The following LRRK1 variants were observed in gnomAD, a reference collection of about 807,000 sequenced individuals.
LRRK1 encodes leucine rich repeat kinase 1.
A neutral mutation model predicts 209.1 loss-of-function variants in LRRK1; 113 were observed. The observed-to-expected ratio is 0.54, with a 90% CI of 0.46 to 0.63. The LOEUF (loss-of-function observed/expected upper bound fraction) is 0.63. LRRK1 is among the 30% of genes least tolerant of loss of function. The pLI, the probability that LRRK1 is intolerant of heterozygous loss-of-function variation, is 0.00. For missense variants in LRRK1, 2,284 were observed against 2,632.2 expected (o/e 0.87, Z 2.89); for synonymous variants, 1,144 against 1,099.7 (o/e 1.04, Z -0.80).
intron 4 of LRRK1, among the ~76,000 whole-genome samples, chr15:100,988,097 C>T (rs2031965499): frequency 6.6e-6 from 1 of 152,182 alleles, no homozygotes. Context: ...ATCAACTCAA[C>T]AGAAGCAACT....
intron 2 of LRRK1, among the ~76,000 whole-genome samples, chr15:100,964,234 G>C (rs1163958480): frequency 6.6e-6 from 1 of 152,104 alleles, no homozygotes; most frequent in East Asian, 1.9e-4. Context: ...GATCACCCCG[G>C]GGCTGGGTGA....
chr15:101,058,617 C>CGGGGT lies in LRRK1; in HGVS notation c.4679+480_4679+481insTGGGG, dbSNP rs10668251. Among the ~76,000 whole-genome samples the CGGGGT allele has an allele frequency of 2.7e-4, 20 of 75,340 alleles. 2 individuals are homozygous for CGGGGT. The highest frequency in any genetic ancestry group is 0.018 in the Middle Eastern group (2 of 110). 49.4% of individuals were successfully genotyped at this position (75,340 alleles called of 152,430 possible). A position where few individuals can be genotyped will look rare whatever the true frequency, so the allele number is the denominator to read the frequency against. On this transcript the variant is annotated intron_variant, in intron 29 of 33. Transcript: ENST00000388948. ...CTGCCCCAGATTGCAGAAGGGGCAA[C>CGGGGT]GGGGGGGGGCGTCTAAACAGAGTTG...
chr15:101,035,209 T>C (rs1294164510), intron 20 of LRRK1, among the ~76,000 whole-genome samples: 1 of 152,112 alleles, frequency 6.6e-6, no homozygotes, highest in East Asian at 1.9e-4. Context: ...CCAATGTTTT[T>C]TTGATGAGTT....
chr15:101,043,930 A>G (rs1290138488), intron 20 of LRRK1: 4 of 152,132 alleles, frequency 2.6e-5, no homozygotes, highest in African/African-American at 9.7e-5. Flanking sequence ...AGTGTCTCTT[A>G]AGCTCCCAAG....
intron 20 of LRRK1, among the ~76,000 whole-genome samples, chr15:101,045,427 C>A (rs530679128): frequency 6.6e-6 from 1 of 152,150 alleles, no homozygotes; most frequent in Non-Finnish European, 1.5e-5. Flanking sequence ...TTATGATGAC[C>A]GAGAGTGTTC....
chr15:101,064,215 C>T (rs1006081070), intron 31 of LRRK1, among the ~76,000 whole-genome samples: 1 of 152,238 alleles, frequency 6.6e-6, no homozygotes, highest in Non-Finnish European at 1.5e-5. Context: ...GGATGGATTT[C>T]GATACGCTTT....
chr15:100,958,160 C>G (rs1377188686), intron 2 of LRRK1, among the ~76,000 whole-genome samples: 4 of 152,208 alleles, frequency 2.6e-5, no homozygotes, highest in Non-Finnish European at 4.4e-5. Context: ...CCAGCCTGTT[C>G]TGTAGTTCTT....
intron 20 of LRRK1, among the ~76,000 whole-genome samples, chr15:101,042,737 G>A (rs570803563): frequency 6.6e-6 from 1 of 152,174 alleles, no homozygotes. Context: ...CTTGTCGGGG[G>A]ATTTGTGCAG....
chr15:100,986,095 A>G (rs924117083), intron 4 of LRRK1, among the ~76,000 whole-genome samples: 2 of 152,170 alleles, frequency 1.3e-5, no homozygotes, highest in African/African-American at 4.8e-5. Context: ...ATTCCCAGGT[A>G]CTTGGGAGGG....
At chr15:100,944,091 G>A (rs553085375) in intron 2 of LRRK1, among the ~76,000 whole-genome samples, 2 of 152,272 alleles carry the variant, frequency 1.3e-5, no homozygotes, top group Admixed American at 1.3e-4. Flanking sequence ...TGGGCATGGG[G>A]CCTCACAGTG....
In LRRK1 at chr15:101,022,625, C is replaced by G. The variant is rs1339120115; in HGVS notation, c.2067+28C>G. 4 of 1,499,170 alleles carry G rather than the reference C, an allele frequency of 2.7e-6. No homozygotes were observed. In the Admixed American group the frequency reaches 5.5e-5, roughly 21 times the overall value. The allele number at this position is 1,499,170 out of a possible 1,614,324, so 92.9% of individuals were successfully genotyped here. The stretch of plus-strand genomic sequence containing the variant: ...CAAGGATGGTCTGCGTGCAGAGTCC[C>G]TGTGGGTGGGAGGAACATCCCTTGG... On this transcript the variant is annotated intron_variant, in intron 15 of 33. Coordinates refer to ENST00000388948, the MANE Select transcript of LRRK1 (RefSeq NM_024652.6). This position sits in a 1 kb window ranked among gnomAD's most constrained non-coding sequence, Gnocchi z 4.0.
chr15:101,005,598 A>G (rs1475076188), intron 6 of LRRK1, among the ~76,000 whole-genome samples: 1 of 152,222 alleles, frequency 6.6e-6, no homozygotes, highest in Non-Finnish European at 1.5e-5. Flanking sequence ...CTTGGTTTCT[A>G]AATACCAATT....
rs565686156 is a variant in LRRK1 at position 101,066,057 on chromosome 15, G to A, written c.5620G>A (p.Asp1874Asn). ...ASSSSVPFST[D>N]CEDSDMLHTP... ...TTCTTCCAGTGTGCCTTTCTCCACC[G>A]ACTGCGAGGACTCAGACATGCTACA... is the stretch of plus-strand genomic sequence containing the variant. The change falls in exon 32 of 34, where the codon GAC becomes AAC. Residue 1874 changes from aspartate (D) to asparagine (N), a missense_variant. By Grantham distance (23) the Asp-to-Asn change is conservative. Around this residue, in one of 6 missense-constraint regions of LRRK1, gnomAD observed 643 missense variants for 695.9 expected, o/e 0.92. Transcript: ENST00000388948. 22 of 1,614,024 alleles carry A rather than the reference G, an allele frequency of 1.4e-5. No individual in the cohort carries two copies. Among genetic ancestry groups the A allele is most frequent in the African/African-American group, 4.0e-5 (3 of 74,978 alleles).
In LRRK1 at chr15:101,049,793, G is replaced by A; in HGVS notation, c.3439+10G>A. The A allele has an allele frequency of 6.2e-7, 1 of 1,610,388 alleles. No homozygotes were observed. Among genetic ancestry groups the A allele is most frequent in the Non-Finnish European group, 8.5e-7 (1 of 1,178,168 alleles). On this transcript the variant is annotated intron_variant, in intron 23 of 33. Transcript: ENST00000388948. ...GATCAGTGGTTTCCCGGTAAGAGGA[G>A]ATGCTAGAAGCAAGCCCTCATTCAT... is the stretch of plus-strand genomic sequence containing the variant.
intron 2 of LRRK1, among the ~76,000 whole-genome samples, chr15:100,931,078 G>A (rs933109154): frequency 2.0e-5 from 3 of 152,218 alleles, no homozygotes; most frequent in African/African-American, 7.2e-5. Context: ...TCATAAAAAA[G>A]AAACGAGAAA....
At chr15:100,988,569 A>G in intron 4 of LRRK1, 65 bp from the exon 5 acceptor site, 1 of 1,487,636 alleles carries the variant, frequency 6.7e-7, no homozygotes, top group Non-Finnish European at 9.4e-7. Context: ...CTAAGGGAAG[A>G]GCAGAGTGGG....
At chr15:100,966,426 T>C (rs1019756149) in intron 2 of LRRK1, among the ~76,000 whole-genome samples, 3 of 152,244 alleles carry the variant, frequency 2.0e-5, no homozygotes, top group Non-Finnish European at 2.9e-5. Flanking sequence ...AGCAGTCATA[T>C]ATTCCCATCA....
chr15:101,008,736 G>A (rs535183832), intron 6 of LRRK1, 101 bp from the exon 7 acceptor site: 75 of 891,638 alleles, frequency 8.4e-5, no homozygotes, highest in Admixed American at 2.8e-4. Flanking sequence ...GCTGGAGCAG[G>A]CACACAGACG....
At position 101,069,036 on chromosome 15, in the gene LRRK1, G is replaced by A; in HGVS notation, c.*188G>A. 1 of 522,702 alleles carries A rather than the reference G, an allele frequency of 1.9e-6. No homozygotes were observed. Among genetic ancestry groups the A allele is most frequent in the South Asian group, 3.3e-5 (1 of 30,194 alleles). The allele number at this position is 522,702 out of a possible 1,614,324, so 32.4% of individuals were successfully genotyped here. On this transcript the variant is annotated 3_prime_UTR_variant, in exon 34 of 34. Transcript: ENST00000388948. The stretch of plus-strand genomic sequence containing the variant: ...TGGCTCCAGGGTTCTCTGGTTCTCT[G>A]GAGCAGAGTTCTCTGAATACCCCAT...
Sources: gnomAD v4.1 joint callset for allele counts (sites outside exome capture counted in the v4.1 genomes callset) on GRCh38, gnomAD v4.1.1 for gene constraint, gnomAD v4.1.1 regional missense constraint, Gnocchi (gnomAD v3.1) non-coding constraint, MANE v1.5 for transcripts, NCBI Gene and HGNC (gene_info 2026-07-23, HGNC 2026-07-21) for gene names.